Variants in GLG1 observed in about 807,000 individuals in gnomAD.
GLG1 encodes Golgi apparatus protein 1.
GLG1 carries 38 observed loss-of-function variants against 160.5 expected under a neutral mutation model. The observed-to-expected ratio is 0.24, with a 90% CI of 0.18 to 0.31. The LOEUF (loss-of-function observed/expected upper bound fraction) is 0.31. GLG1 is among the 10% of genes least tolerant of loss of function. The probability of loss-of-function intolerance (pLI) is 1.00; values close to 1 mark genes in which losing one functional copy is unlikely to be tolerated. For missense variants in GLG1, 1,373 were observed against 1,505.2 expected (o/e 0.91, Z 1.45); for synonymous variants, 644 against 543.4 (o/e 1.19, Z -2.57).
intron 2 of GLG1, among the ~76,000 whole-genome samples, chr16:74,512,273 T>TTA (rs2016836241): frequency 7.4e-6 from 1 of 135,146 alleles, no homozygotes; most frequent in Admixed American, 7.6e-5. Flanking sequence ...GAATCCATAT[T>TTA]AAAAAAAAAA....
At chr16:74,486,042 G>A in intron 8 of GLG1, 125 bp from the exon 9 acceptor site, 1 of 674,246 alleles carries the variant, frequency 1.5e-6, no homozygotes, top group Non-Finnish European at 2.5e-6. Flanking sequence ...GTTGTCTACA[G>A]TTGTCACTAG....
chr16:74,469,804 A>G, intron 16 of GLG1, 181 bp downstream of exon 16: 1 of 596,954 alleles, frequency 1.7e-6, no homozygotes, highest in Admixed American at 2.9e-5. Context: ...GAGAACTACC[A>G]TCGCCAGATG....
chr16:74,463,302 T>C (rs2014872637), intron 20 of GLG1, 54 bp downstream of exon 20: 1 of 1,587,722 alleles, frequency 6.3e-7, no homozygotes, highest in Non-Finnish European at 8.6e-7. Flanking sequence ...CTACAGCCAC[T>C]GAATTCCTTT....
intron 2 of GLG1, among the ~76,000 whole-genome samples, chr16:74,521,611 G>C (rs1011570415): frequency 2.0e-5 from 3 of 152,044 alleles, no homozygotes; most frequent in African/African-American, 7.2e-5. Context: ...AAGGTTTAGG[G>C]GCAGAAAAAT....
intron 2 of GLG1, among the ~76,000 whole-genome samples, chr16:74,526,781 T>C (rs1228731553): frequency 2.0e-5 from 3 of 152,174 alleles, no homozygotes; most frequent in Non-Finnish European, 4.4e-5. Flanking sequence ...AAATACTGTA[T>C]GTGCAAGACA....
At chr16:74,582,776 C>T (rs533439054) in intron 1 of GLG1, among the ~76,000 whole-genome samples, 30 of 151,736 alleles carry the variant, frequency 2.0e-4, no homozygotes, top group Middle Eastern at 3.4e-3. Flanking sequence ...GCCGAGATCG[C>T]GCCACTGCAC....
At chr16:74,511,157 G>T (rs926933657) in intron 2 of GLG1, among the ~76,000 whole-genome samples, 7 of 152,106 alleles carry the variant, frequency 4.6e-5, no homozygotes, top group African/African-American at 1.7e-4. Context: ...AAAGTAGGGG[G>T]TGACACGACC....
Position 74,448,799 on chromosome 16 carries a change from G to A in GLG1, c.*4368C>T, listed in dbSNP as rs182715785. On this transcript the variant is annotated 3_prime_UTR_variant, in exon 26 of 26. Coordinates refer to ENST00000422840, the MANE Select transcript of GLG1 (RefSeq NM_001145667.2). ...AGGCCGGGCGTGGTGGCTCACGCCT[G>A]TAATGCACTTTGGAAGGCCGAAGTG... is the stretch of plus-strand genomic sequence containing the variant. 1 of 148,386 alleles carries A rather than the reference G, an allele frequency of 6.7e-6. No homozygotes were observed. The highest frequency in any genetic ancestry group is 2.5e-5 in the African/African-American group (1 of 40,178). 9.2% of individuals were successfully genotyped at this position (148,386 alleles called of 1,614,324 possible).
intron 1 of GLG1, among the ~76,000 whole-genome samples, chr16:74,542,349 G>A (rs532736763): frequency 6.6e-6 from 1 of 151,912 alleles, no homozygotes; most frequent in South Asian, 2.1e-4. Context: ...CAAATCAGTA[G>A]CTACTATAGC....
intron 1 of GLG1, among the ~76,000 whole-genome samples, chr16:74,546,269 T>C (rs1346392231): frequency 6.6e-6 from 1 of 152,056 alleles, no homozygotes; most frequent in Admixed American, 6.5e-5. Flanking sequence ...CGAAACCCTG[T>C]CTCTACAAAA....
intron 2 of GLG1, among the ~76,000 whole-genome samples, chr16:74,522,303 G>A (rs147750501): frequency 1.3e-5 from 2 of 152,354 alleles, no homozygotes; most frequent in East Asian, 3.9e-4. Context: ...TAAAATGGCT[G>A]TATCATTTGC....
chr16:74,510,515 G>A (rs2016769721), intron 2 of GLG1, among the ~76,000 whole-genome samples: 1 of 152,194 alleles, frequency 6.6e-6, no homozygotes, highest in African/African-American at 2.4e-5. Flanking sequence ...TGGTGAGATA[G>A]AGCAGAGACT....
intron 1 of GLG1, among the ~76,000 whole-genome samples, chr16:74,573,079 A>T (rs981760232): frequency 5.3e-5 from 8 of 152,202 alleles, no homozygotes; most frequent in African/African-American, 1.9e-4. Flanking sequence ...GACTATATTG[A>T]GAGTAGATAG....
At chr16:74,512,092 C>G (rs115266853) in intron 2 of GLG1, among the ~76,000 whole-genome samples, 1,573 of 152,026 alleles carry the variant, frequency 0.01, 22 homozygotes, top group African/African-American at 0.036. Flanking sequence ...CACACCCATT[C>G]TGTCACACTT....
intron 1 of GLG1, among the ~76,000 whole-genome samples, chr16:74,548,463 T>G (rs549248348): frequency 7.2e-5 from 11 of 152,352 alleles, no homozygotes; most frequent in African/African-American, 2.6e-4. Flanking sequence ...TTGAAGGCAG[T>G]AACCACAGCT....
At chr16:74,477,965 C>A (rs1308106602) in intron 11 of GLG1, among the ~76,000 whole-genome samples, 1 of 53,292 alleles carries the variant, frequency 1.9e-5, no homozygotes, top group African/African-American at 7.2e-5. Context: ...AAGAGCGAAA[C>A]TCCGTCTCAA....
intron 2 of GLG1, among the ~76,000 whole-genome samples, chr16:74,528,748 G>A (rs1403007848): frequency 8.0e-6 from 1 of 125,540 alleles, no homozygotes; most frequent in Non-Finnish European, 1.6e-5. Context: ...AGAGGCGGAA[G>A]TTTCAGTGAG....
rs201676901 is a variant in GLG1, at chr16:74,601,134, T to C, written c.438+5523A>G. 3.3e-5 allele frequency among the ~76,000 whole-genome samples: 5 copies of C among 152,296 alleles called. No homozygotes were observed. The East Asian group carries it at 9.6e-4, about 29-fold the overall frequency. Reference sequence around the variant, plus strand: ...CAAACAATGTTTGGATTAATTGCTGTTTGAATTATTCATTGTCACTGATTC... The same window carrying C: ...CAAACAATGTTTGGATTAATTGCTGCTTGAATTATTCATTGTCACTGATTC... On this transcript the variant is annotated intron_variant, in intron 1 of 25. Transcript: ENST00000422840.
intron 1 of GLG1, among the ~76,000 whole-genome samples, chr16:74,561,670 C>T (rs1424218161): frequency 1.3e-5 from 2 of 152,150 alleles, no homozygotes; most frequent in Admixed American, 6.6e-5. Context: ...AGTCAAATTA[C>T]CTATGATAAC....
Sources: allele counts gnomAD v4.1 joint callset (sites outside exome capture counted in the v4.1 genomes callset), GRCh38; gene constraint gnomAD v4.1.1; transcripts MANE v1.5; gene names NCBI Gene and HGNC (gene_info 2026-07-23, HGNC 2026-07-21).